Variants in BCCIP observed in about 807,000 individuals in gnomAD.
BCCIP encodes the protein BRCA2 and CDKN1A-interacting protein.
In BCCIP, 23 loss-of-function variants were observed where a neutral mutation model predicts 32.8. The observed-to-expected ratio is 0.70, with a 90% confidence interval of 0.51 to 0.99. The LOEUF is 0.99. BCCIP is among the 50% of genes least tolerant of loss of function. The pLI is 0.00. For missense variants in BCCIP, 378 were observed against 379.8 expected (o/e 1.00, Z 0.04); for synonymous variants, 144 against 137.6 (o/e 1.05, Z -0.33).
chr10:125,843,854 A>G (rs1209471848), downstream of BCCIP, among the ~76,000 whole-genome samples: 1 of 152,200 alleles, frequency 6.6e-6, no homozygotes, highest in Non-Finnish European at 1.5e-5. Context: ...GGCAGTGCCA[A>G]ACCACCCAAG....
chr10:125,826,771 G>A, intron 2 of BCCIP, 106 bp downstream of exon 2: 1 of 1,487,488 alleles, frequency 6.7e-7, no homozygotes, highest in East Asian at 2.5e-5. Context: ...AGGCCGAGGT[G>A]AGAGGATTGC....
chr10:125,830,531 T>G, intron 3 of BCCIP, 31 bp from the exon 4 acceptor site: 1 of 1,406,264 alleles, frequency 7.1e-7, no homozygotes, highest in Non-Finnish European at 9.9e-7. Context: ...ATACTAAATA[T>G]AACATTTAAA....
chr10:125,853,254 A>G (rs1464548984), exon 8 of BCCIP: 1 of 1,568,152 alleles, frequency 6.4e-7, no homozygotes, highest in African/African-American at 1.4e-5. Flanking sequence ...TAAGTCAGGG[A>G]TATTTAGGAG....
chr10:125,829,425 C>G (rs1854474553), intron 3 of BCCIP, among the ~76,000 whole-genome samples: 1 of 152,228 alleles, frequency 6.6e-6, no homozygotes, highest in Non-Finnish European at 1.5e-5. Context: ...TAATGTTCCA[C>G]TCTTAAGTAC....
chr10:125,825,571 C>T (rs1854371128), intron 1 of BCCIP: 1 of 152,170 alleles, frequency 6.6e-6, no homozygotes, highest in South Asian at 2.1e-4. Context: ...TTGCTCTAAG[C>T]AATTCCAGGG....
intron 6 of BCCIP, among the ~76,000 whole-genome samples, chr10:125,834,390 A>C (rs142723775): frequency 1.2e-3 from 189 of 152,256 alleles, no homozygotes; most frequent in African/African-American, 4.3e-3. Flanking sequence ...CTGTGTCCTT[A>C]GTCGTGGATG....
intron 7 of BCCIP, among the ~76,000 whole-genome samples, chr10:125,848,165 A>C (rs2134037935): frequency 6.6e-6 from 1 of 152,286 alleles, no homozygotes; most frequent in South Asian, 2.1e-4. Flanking sequence ...ACAGGGGGAG[A>C]AACTGAAGAA....
exon 8 of BCCIP, chr10:125,853,256 A>G (rs1003262417): frequency 1.3e-6 from 2 of 1,559,120 alleles, no homozygotes; most frequent in African/African-American, 1.4e-5. Context: ...AGTCAGGGAT[A>G]TTTAGGAGGC....
chr10:125,849,761 G>A (rs573563028), intron 7 of BCCIP, among the ~76,000 whole-genome samples: 19 of 152,144 alleles, frequency 1.2e-4, no homozygotes, highest in African/African-American at 1.9e-4. Flanking sequence ...TAAATGTTAC[G>A]TTAACATTTA....
chr10:125,839,241 A>G, downstream of BCCIP: 1 of 1,581,450 alleles, frequency 6.3e-7, no homozygotes, highest in Non-Finnish European at 8.6e-7. Context: ...AGAAGCTCTG[A>G]AGAGCCCAGG....
intron 2 of BCCIP, among the ~76,000 whole-genome samples, 171 bp from the exon 3 acceptor site, chr10:125,827,387 A>C (rs1854423169): frequency 6.6e-6 from 1 of 151,660 alleles, no homozygotes; most frequent in East Asian, 1.9e-4. Context: ...GAAATTTCCT[A>C]ATCTTTAGCT....
chr10:125,827,621 A>G lies in BCCIP; in HGVS notation c.304A>G (p.Ile102Val). 14 of 1,610,002 alleles carry G rather than the reference A, an allele frequency of 8.7e-6. No individual in the cohort carries two copies. Among genetic ancestry groups the G allele is most frequent in the Non-Finnish European group, 1.2e-5 (14 of 1,176,298 alleles). The change falls in exon 3 of 7, where the codon ATT becomes GTT. Residue 102 changes from isoleucine (I) to valine (V), a missense_variant. Transcript: ENST00000278100. ...AGATCTCTTAATTCAACAGAACCAT[A>G]TTGGGAGTGTGATTAAGGTAAGTAG... is the stretch of plus-strand genomic sequence containing the variant. ...LTDLLIQQNH[I>V]GSVIKQTDVS...
downstream of BCCIP, chr10:125,842,943 A>G (rs987085189): frequency 3.4e-6 from 1 of 295,824 alleles, no homozygotes; most frequent in Non-Finnish European, 5.0e-6. Flanking sequence ...GAATAAGGCT[A>G]TATATAGATT....
chr10:125,828,278 GGGGAA>G (rs1201976159), intron 3 of BCCIP, among the ~76,000 whole-genome samples: 1 of 152,154 alleles, frequency 6.6e-6, no homozygotes, highest in African/African-American at 2.4e-5. Context: ...AAATTAGGAG[GGGGAA>G]TGTGAATTTG....
At chr10:125,846,400 T>A (rs1280705372), downstream of BCCIP, among the ~76,000 whole-genome samples, 1 of 152,226 alleles carries the variant, frequency 6.6e-6, no homozygotes, top group Admixed American at 6.5e-5. Flanking sequence ...GTTTTCTATA[T>A]GAGTAGTTAA....
At chr10:125,831,716 T>C (rs1408372794) in intron 5 of BCCIP, 109 bp downstream of exon 5, 2 of 1,103,966 alleles carry the variant, frequency 1.8e-6, no homozygotes, top group Non-Finnish European at 2.5e-6. Flanking sequence ...TGTCCTTGGT[T>C]TAAGTGGGTT....
downstream of BCCIP, chr10:125,839,316 T>G: frequency 1.1e-6 from 1 of 908,630 alleles, no homozygotes; most frequent in Non-Finnish European, 1.6e-6. Context: ...CGTAGGTGAG[T>G]GGCAGGAAGG....
At chr10:125,824,751 T>G (rs1383991963) in intron 1 of BCCIP, among the ~76,000 whole-genome samples, 1 of 88,702 alleles carries the variant, frequency 1.1e-5, no homozygotes, top group Non-Finnish European at 2.6e-5. Context: ...AGAGATCTTA[T>G]AGGTCTGATC....
At chr10:125,838,000 CTG>C, downstream of BCCIP, among the ~76,000 whole-genome samples, 1 of 152,290 alleles carries the variant, frequency 6.6e-6, no homozygotes, top group Middle Eastern at 3.4e-3. Context: ...TATTTCTACA[CTG>C]TCTTTTCTAT....
Sources: allele counts gnomAD v4.1 joint callset (sites outside exome capture counted in the v4.1 genomes callset), GRCh38; gene constraint gnomAD v4.1.1; transcripts MANE v1.5; gene names NCBI Gene and HGNC (gene_info 2026-07-23, HGNC 2026-07-21).